Variants in MYCBP2 observed in about 807,000 individuals in gnomAD.
MYCBP2 encodes MYC binding protein 2, also known as E3 ubiquitin-protein ligase MYCBP2.
A neutral mutation model predicts 525.3 loss-of-function variants in MYCBP2; 120 were observed. That is an observed-to-expected ratio of 0.23 (90% CI 0.20 to 0.27). The LOEUF is 0.27. MYCBP2 is among the 10% of genes least tolerant of loss of function. The pLI is 1.00. For synonymous variants in MYCBP2, 1,894 were observed against 1,955.8 expected (o/e 0.97, Z 0.83); for missense variants, 4,149 against 5,657.1 (o/e 0.73, Z 8.55).
At chr13:77,324,786 T>C (rs1594930219) in intron 1 of MYCBP2, among the ~76,000 whole-genome samples, 1 of 152,246 alleles carries the variant, frequency 6.6e-6, no homozygotes, top group African/African-American at 2.4e-5. Context: ...ACACTAGTAG[T>C]AGGAAGTCAA....
chr13:77,296,433 A>C (rs971797823), intron 2 of MYCBP2, among the ~76,000 whole-genome samples, 166 bp downstream of exon 2: 1 of 152,078 alleles, frequency 6.6e-6, no homozygotes, highest in African/African-American at 2.4e-5. Context: ...AGAAACACCC[A>C]AAAGAAAGAT....
At chr13:77,219,330 G>A (rs887758309) in intron 20 of MYCBP2, among the ~76,000 whole-genome samples, 5 of 151,936 alleles carry the variant, frequency 3.3e-5, no homozygotes, top group Non-Finnish European at 7.4e-5. Context: ...TCTCTTTGGT[G>A]GAAGCAGGCA....
chr13:77,304,349 C>T (rs1039315822), intron 1 of MYCBP2, among the ~76,000 whole-genome samples: 1 of 152,080 alleles, frequency 6.6e-6, no homozygotes, highest in Non-Finnish European at 1.5e-5. Flanking sequence ...GCCTGGAGGA[C>T]ATTATCTTAA....
intron 37 of MYCBP2, among the ~76,000 whole-genome samples, chr13:77,172,512 G>A (rs146112679): frequency 3.0e-4 from 46 of 152,266 alleles, no homozygotes; most frequent in Admixed American, 2.7e-3. Flanking sequence ...ACTGATTGTA[G>A]GAGACCAATA....
chr13:77,144,620 T>TA, intron 48 of MYCBP2, 60 bp from the exon 49 acceptor site: 1 of 1,079,958 alleles, frequency 9.3e-7, no homozygotes, highest in African/African-American at 1.5e-5. Context: ...TCAACATCAT[T>TA]ACGATAGTTC....
chr13:77,276,702 A>C (rs1183612056), intron 4 of MYCBP2, among the ~76,000 whole-genome samples: 1 of 151,600 alleles, frequency 6.6e-6, no homozygotes, highest in Non-Finnish European at 1.5e-5. Flanking sequence ...TCATTCTGTC[A>C]CCCAGCTAGA....
chr13:77,252,846 A>G (rs575913037), intron 14 of MYCBP2, among the ~76,000 whole-genome samples: 23 of 152,230 alleles, frequency 1.5e-4, no homozygotes, highest in African/African-American at 5.5e-4. Context: ...TCATAGCTAA[A>G]ATGTACTGAG....
chr13:77,280,541 T>A (rs1050465133), intron 3 of MYCBP2, among the ~76,000 whole-genome samples: 2 of 152,198 alleles, frequency 1.3e-5, no homozygotes, highest in African/African-American at 2.4e-5. Flanking sequence ...CAACCATGAT[T>A]TTTCATAAAT....
In MYCBP2 at chr13:77,264,006, T is replaced by A. The variant is rs1442662045; in HGVS notation, c.1358-4A>T. Reference sequence around the variant, plus strand: ...TTTTGACCTTCAGTGTGGCAATCTGTGCAAAAGAAAAAGTATTTATATTAC... The same window carrying A: ...TTTTGACCTTCAGTGTGGCAATCTGAGCAAAAGAAAAAGTATTTATATTAC... On this transcript the variant is annotated splice_region_variant and splice_polypyrimidine_tract_variant and intron_variant, in intron 8 of 82. Coordinates refer to ENST00000544440, the MANE Select transcript of MYCBP2 (RefSeq NM_015057.5). 2 of 1,610,278 alleles carry A rather than the reference T, an allele frequency of 1.2e-6. No homozygotes were observed. The highest frequency in any genetic ancestry group is 1.7e-6 in the Non-Finnish European group (2 of 1,177,718).
At chr13:77,313,333 G>T (rs971462528) in intron 1 of MYCBP2, among the ~76,000 whole-genome samples, 4 of 151,718 alleles carry the variant, frequency 2.6e-5, no homozygotes, top group African/African-American at 9.7e-5. Context: ...AAAGTAGAAA[G>T]AAATAAATTA....
chr13:77,138,760 A>T (rs1179890218), intron 52 of MYCBP2, among the ~76,000 whole-genome samples: 1 of 152,204 alleles, frequency 6.6e-6, no homozygotes, highest in Non-Finnish European at 1.5e-5. Context: ...GAGAGTCAAA[A>T]TTAGACAGAA....
At chr13:77,295,243 C>T (rs1023239079) in intron 2 of MYCBP2, among the ~76,000 whole-genome samples, 4 of 152,202 alleles carry the variant, frequency 2.6e-5, no homozygotes, top group Non-Finnish European at 5.9e-5. Context: ...CAAGCAATCT[C>T]CTGCCTCAGC....
chr13:77,307,644 A>C lies in MYCBP2; in HGVS notation c.303-10970T>G, dbSNP rs574512627. On this transcript the variant is annotated intron_variant, in intron 1 of 82. Transcript: ENST00000544440. ...CTGTCTCAAAAAAAAAAAAAAAAAA[A>C]AAAAAAAAAACTTCATTGTATTGAA... Among the ~76,000 whole-genome samples the C allele has an allele frequency of 1.4e-3, 215 of 150,500 alleles. 1 individual carries two copies. Among genetic ancestry groups the C allele is most frequent in the African/African-American group, 5.0e-3 (203 of 40,886 alleles).
At chr13:77,205,118 CT>C in intron 26 of MYCBP2, 137 bp downstream of exon 26, 1 of 685,880 alleles carries the variant, frequency 1.5e-6, no homozygotes, top group Non-Finnish European at 2.1e-6. Context: ...TTCTCTATCG[CT>C]TTTTAAAAAG....
intron 46 of MYCBP2, among the ~76,000 whole-genome samples, chr13:77,153,655 G>A (rs1008971388): frequency 6.6e-6 from 1 of 151,750 alleles, no homozygotes; most frequent in Non-Finnish European, 1.5e-5. Flanking sequence ...TAACCATTCT[G>A]CTTTCTTTTA....
At chr13:77,119,881 T>C (rs1482115623) in intron 55 of MYCBP2, among the ~76,000 whole-genome samples, 1 of 152,220 alleles carries the variant, frequency 6.6e-6, no homozygotes, top group Non-Finnish European at 1.5e-5. Flanking sequence ...TGAGCCACTA[T>C]GCCTGGCATG....
At chr13:77,061,337 T>G (rs2039259673) in intron 75 of MYCBP2, 36 bp from the exon 76 acceptor site, 1 of 1,535,726 alleles carries the variant, frequency 6.5e-7, no homozygotes. Context: ...AAAATATGCT[T>G]ATTTATCACT....
intron 68 of MYCBP2, among the ~76,000 whole-genome samples, chr13:77,071,271 G>GCGCGCA (rs375003621): frequency 2.1e-5 from 3 of 142,656 alleles, no homozygotes; most frequent in Admixed American, 1.4e-4. Flanking sequence ...GTGTGCACAC[G>GCGCGCA]CACACACACA....
chr13:77,203,786 G>T (rs1438891203), intron 26 of MYCBP2, among the ~76,000 whole-genome samples: 2 of 151,918 alleles, frequency 1.3e-5, no homozygotes, highest in Non-Finnish European at 2.9e-5. Flanking sequence ...AGAAAAACAA[G>T]AAATGGGGAA....
Sources: gnomAD v4.1 joint callset for allele counts (sites outside exome capture counted in the v4.1 genomes callset) on GRCh38, gnomAD v4.1.1 for gene constraint, MANE v1.5 for transcripts, NCBI Gene and HGNC (gene_info 2026-07-23, HGNC 2026-07-21) for gene names.